The following KCTD16 variants were observed in gnomAD, a reference collection of about 807,000 sequenced individuals.
KCTD16 encodes the protein BTB/POZ domain-containing protein KCTD16.
KCTD16 carries 13 observed loss-of-function variants against 33.2 expected under a neutral mutation model. The ratio of observed to expected loss-of-function variants is 0.39; its 90% CI spans 0.25 to 0.62. The LOEUF (loss-of-function observed/expected upper bound fraction) is 0.62, where lower values mean the gene tolerates loss of function less well. Among genes scored for constraint, KCTD16 ranks in the 20% least tolerant of loss-of-function variants. The pLI is 0.50. For synonymous variants in KCTD16, 197 were observed against 195.3 expected (o/e 1.01, Z -0.07); for missense variants, 441 against 525.1 (o/e 0.84, Z 1.57).
intron 3 of KCTD16, among the ~76,000 whole-genome samples, chr5:144,473,238 TGA>T (rs1274089977): frequency 6.6e-6 from 1 of 152,146 alleles, no homozygotes; most frequent in African/African-American, 2.4e-5. Flanking sequence ...AAGCTGACTG[TGA>T]GAGAGATACT....
chr5:144,305,912 G>A lies in KCTD16; in HGVS notation c.832+98366G>A, dbSNP rs184112440. Among the ~76,000 whole-genome samples, 441 of 152,344 alleles carry A rather than the reference G, an allele frequency of 2.9e-3. 4 individuals are homozygous for A. Among genetic ancestry groups the A allele is most frequent in the African/African-American group, 0.01 (418 of 41,588 alleles). On this transcript the variant is annotated intron_variant, in intron 3 of 3. Transcript: ENST00000512467. ...CAGAAGAAAGCAATCCTGTGGACAT[G>A]TTGATCCTGGACTTCTAGCCTCCAG... is the stretch of plus-strand genomic sequence containing the variant.
intron 3 of KCTD16, among the ~76,000 whole-genome samples, chr5:144,293,908 C>G (rs1299525354): frequency 6.6e-6 from 1 of 151,984 alleles, no homozygotes; most frequent in Non-Finnish European, 1.5e-5. Flanking sequence ...GCCTGTAATC[C>G]CAGCACTTTG....
intron 3 of KCTD16, among the ~76,000 whole-genome samples, chr5:144,353,083 G>A (rs1264593282): frequency 1.3e-5 from 2 of 152,150 alleles, no homozygotes; most frequent in East Asian, 3.9e-4. Flanking sequence ...CAGGGCTAAC[G>A]TTTGCCACCT....
intron 3 of KCTD16, among the ~76,000 whole-genome samples, chr5:144,335,030 T>C (rs527752096): frequency 6.6e-6 from 1 of 152,234 alleles, no homozygotes; most frequent in South Asian, 2.1e-4. Context: ...TTCCCCTGCC[T>C]TGACCTTCCA....
At chr5:144,305,768 C>G (rs935311098) in intron 3 of KCTD16, among the ~76,000 whole-genome samples, 1 of 152,044 alleles carries the variant, frequency 6.6e-6, no homozygotes, top group Non-Finnish European at 1.5e-5. Flanking sequence ...GAGCTGAGAT[C>G]GTGCCACTGC....
At chr5:144,241,221 G>A (rs1349881894) in intron 3 of KCTD16, among the ~76,000 whole-genome samples, 2 of 152,082 alleles carry the variant, frequency 1.3e-5, no homozygotes, top group Non-Finnish European at 2.9e-5. Flanking sequence ...GGCACTACGT[G>A]AGTAAAAAAC....
intron 3 of KCTD16, among the ~76,000 whole-genome samples, chr5:144,408,828 C>T (rs933308614): frequency 2.0e-5 from 3 of 152,088 alleles, no homozygotes; most frequent in Non-Finnish European, 2.9e-5. Context: ...CCCTTCCAAC[C>T]GTCTTTACAT....
intron 3 of KCTD16, among the ~76,000 whole-genome samples, chr5:144,458,390 A>G (rs1400198214): frequency 6.6e-6 from 1 of 152,150 alleles, no homozygotes. Context: ...GATTTACACA[A>G]CACCTGTACT....
chr5:144,292,929 A>G (rs1395336628), intron 3 of KCTD16, among the ~76,000 whole-genome samples: 5 of 152,174 alleles, frequency 3.3e-5, no homozygotes, highest in African/African-American at 4.8e-5. Context: ...TTCAGCAGTG[A>G]CCAAGGACGC....
chr5:144,334,523 G>A (rs1057504809), intron 3 of KCTD16, among the ~76,000 whole-genome samples: 1 of 152,110 alleles, frequency 6.6e-6, no homozygotes, highest in Non-Finnish European at 1.5e-5. Context: ...TTGCCCTTCT[G>A]GTGGCATTCA....
In KCTD16 at chr5:144,474,761, A is replaced by G. The variant is rs1754558752; in HGVS notation, c.*647A>G. On this transcript the variant is annotated 3_prime_UTR_variant, in exon 4 of 4. Coordinates refer to ENST00000512467, the MANE Select transcript of KCTD16 (RefSeq NM_020768.4). ...GCAGCCCTCTCTTAGAATATTTCAG[A>G]TGGATGAGCTTCTGACTCTTTCTTA... The G allele has an allele frequency of 6.6e-6, 1 of 152,366 alleles. No individual in the cohort carries two copies. The highest frequency in any genetic ancestry group is 1.5e-5 in the Non-Finnish European group (1 of 68,058). 9.4% of individuals were successfully genotyped at this position (152,366 alleles called of 1,614,324 possible).
rs1039187817 is a variant in KCTD16 at position 144,480,323 on chromosome 5, G to T, written c.*6209G>T. 1 of 123,200 alleles carries T rather than the reference G, an allele frequency of 8.1e-6. No homozygotes were observed. The highest frequency in any genetic ancestry group is 3.2e-5 in the African/African-American group (1 of 31,314). The allele number at this position is 123,200 out of a possible 1,614,324, so 7.6% of individuals were successfully genotyped here. The stretch of plus-strand genomic sequence containing the variant: ...CTCTACTGTGGATGTCAGTCCTTGA[G>T]AATGTTAAGTAAAGCTTGAGCTTGT... On this transcript the variant is annotated 3_prime_UTR_variant, in exon 4 of 4. Transcript: ENST00000512467.
At chr5:144,361,130 C>T (rs1249982430) in intron 3 of KCTD16, among the ~76,000 whole-genome samples, 3 of 148,872 alleles carry the variant, frequency 2.0e-5, no homozygotes, top group Non-Finnish European at 4.4e-5. Flanking sequence ...GTTCAATTCC[C>T]ACCTATGAGT....
intron 3 of KCTD16, among the ~76,000 whole-genome samples, chr5:144,259,594 T>G (rs1311795118): frequency 1.3e-5 from 2 of 152,208 alleles, no homozygotes; most frequent in Non-Finnish European, 2.9e-5. Flanking sequence ...GGTGTTTCCA[T>G]TTGTTTGGAT....
chr5:144,201,566 T>C (rs1753045700), intron 2 of KCTD16, among the ~76,000 whole-genome samples: 2 of 152,216 alleles, frequency 1.3e-5, no homozygotes, highest in Admixed American at 1.3e-4. Context: ...AGCCATGGAA[T>C]GTGCCAGAGA....
intron 3 of KCTD16, among the ~76,000 whole-genome samples, chr5:144,212,502 C>A (rs900922473): frequency 6.6e-6 from 1 of 152,038 alleles, no homozygotes; most frequent in Non-Finnish European, 1.5e-5. Context: ...AAGAGAAGAC[C>A]AAATATTTCT....
intron 3 of KCTD16, among the ~76,000 whole-genome samples, chr5:144,333,383 C>A (rs1190399019): frequency 2.0e-5 from 3 of 152,080 alleles, no homozygotes; most frequent in African/African-American, 7.2e-5. Context: ...TCTCATTTGG[C>A]CCCTTGTATA....
chr5:144,345,201 G>A (rs1752761486), intron 3 of KCTD16, among the ~76,000 whole-genome samples: 1 of 132,568 alleles, frequency 7.5e-6, no homozygotes, highest in Admixed American at 8.1e-5. Context: ...TCTGGGGACT[G>A]TTGTGGGGTG....
intron 3 of KCTD16, among the ~76,000 whole-genome samples, chr5:144,300,084 T>C (rs1751389143): frequency 1.3e-5 from 2 of 152,134 alleles, no homozygotes; most frequent in Admixed American, 1.3e-4. Context: ...TGTGGTTGAC[T>C]CTAAGGGAAT....
Sources: allele counts gnomAD v4.1 joint callset (sites outside exome capture counted in the v4.1 genomes callset), GRCh38; gene constraint gnomAD v4.1.1; transcripts MANE v1.5; gene names NCBI Gene and HGNC (gene_info 2026-07-23, HGNC 2026-07-21).